The following MROH9 variants were observed in gnomAD, a reference collection of about 807,000 sequenced individuals.
The protein encoded by MROH9 is maestro heat-like repeat-containing protein family member 9.
A neutral mutation model predicts 98.2 loss-of-function variants in MROH9; 92 were observed. The observed-to-expected ratio is 0.94, with a 90% CI of 0.79 to 1.11. The LOEUF is 1.11. MROH9 is among the 50% of genes most tolerant of loss of function. MROH9 has a pLI of 0.00. For missense variants in MROH9, 1,057 were observed against 1,014.8 expected, an observed-to-expected ratio of 1.04 and a Z score of -0.57; for synonymous variants, 397 against 368.9, an observed-to-expected ratio of 1.08 and a Z score of -0.87.
At position 170,996,596 on chromosome 1, in the gene MROH9, A is replaced by C; in HGVS notation, c.1427A>C (p.Gln476Pro). Reference sequence around the variant, plus strand: ...CTAATGAAGGAGAATTTCTGGGACCAGTTATCTGAAGATCTGTGTTACTAT... The same window carrying C: ...CTAATGAAGGAGAATTTCTGGGACCCGTTATCTGAAGATCTGTGTTACTAT... ...ITLMKENFWD[Q>P]LSEDLCYYHG... The change falls in exon 14 of 22, where the codon CAG (glutamine) becomes CCG (proline). Residue 476 changes from glutamine to proline, a missense_variant. Transcript: ENST00000367759. 6.2e-7 allele frequency: 1 copy of C among 1,613,652 alleles called. No individual in the cohort carries two copies. Among genetic ancestry groups the C allele is most frequent in the South Asian group, 1.1e-5 (1 of 91,068 alleles).
chr1:171,057,115 G>A (rs1314808038), intron 20 of MROH9, among the ~76,000 whole-genome samples: 1 of 152,198 alleles, frequency 6.6e-6, no homozygotes, highest in Admixed American at 6.5e-5. Flanking sequence ...CGGAGGATGA[G>A]ATGGATGAAT....
At chr1:171,040,664 T>G (rs1653267020) in intron 20 of MROH9, among the ~76,000 whole-genome samples, 1 of 152,128 alleles carries the variant, frequency 6.6e-6, no homozygotes, top group South Asian at 2.1e-4. Context: ...TCTATGAACT[T>G]TAGTGTTACT....
At chr1:171,032,566 G>T (rs28872911) in intron 20 of MROH9, among the ~76,000 whole-genome samples, 36,298 of 151,846 alleles carry the variant, frequency 0.24, 7,239 homozygotes, top group African/African-American at 0.55. Flanking sequence ...GGGGTTCACT[G>T]CAGGCCCTAC....
chr1:171,054,431 G>GA (rs952962431), intron 20 of MROH9, among the ~76,000 whole-genome samples: 3 of 152,098 alleles, frequency 2.0e-5, no homozygotes, highest in East Asian at 3.8e-4. Context: ...AAAAATTCCA[G>GA]AAAAATAGCA....
At chr1:170,971,516 G>T (rs773612763) in intron 7 of MROH9, among the ~76,000 whole-genome samples, 1 of 152,110 alleles carries the variant, frequency 6.6e-6, no homozygotes, top group Non-Finnish European at 1.5e-5. Context: ...CTTGTCATCA[G>T]TGTTACCCCT....
Position 170,971,802 on chromosome 1 carries a change from T to C in MROH9, c.535T>C (p.Cys179Arg). The C allele has an allele frequency of 6.2e-7, 1 of 1,614,098 alleles. No individual in the cohort carries two copies. The highest frequency in any genetic ancestry group is 1.7e-5 in the Admixed American group (1 of 60,006). ...CCTGGCAGCAGAGCTGTCTCTTTTGTGTTCCCATGAAGATCCCTCGATTGT... is the reference window on the plus strand; with the variant it reads ...CCTGGCAGCAGAGCTGTCTCTTTTGCGTTCCCATGAAGATCCCTCGATTGT... ...GLLAAELSLL[C>R]SHEDPSIVKQ... Residue 179 changes from cysteine to arginine, a missense_variant, in exon 8 of 22, where the codon TGT becomes CGT. Physicochemically the swap from Cys to Arg is radical, Grantham distance 180. Transcript: ENST00000367759.
chr1:171,037,557 A>G (rs929046391), intron 20 of MROH9, among the ~76,000 whole-genome samples: 7 of 152,052 alleles, frequency 4.6e-5, no homozygotes, highest in Admixed American at 3.9e-4. Context: ...TATGCATGGA[A>G]TGAAATGCCA....
intron 1 of MROH9, among the ~76,000 whole-genome samples, chr1:170,937,729 T>C (rs1256734471): frequency 6.6e-6 from 1 of 151,934 alleles, no homozygotes; most frequent in Non-Finnish European, 1.5e-5. Flanking sequence ...TTCACCGTTT[T>C]AGCCGGGATG....
At chr1:170,965,981 A>G (rs1376862311) in intron 7 of MROH9, among the ~76,000 whole-genome samples, 1 of 152,072 alleles carries the variant, frequency 6.6e-6, no homozygotes, top group Non-Finnish European at 1.5e-5. Flanking sequence ...TGATCCATTT[A>G]GCTATTTTTC....
intron 7 of MROH9, among the ~76,000 whole-genome samples, chr1:170,970,731 T>TGTGTGTGAGAGAGA (rs1491154307): frequency 6.7e-4 from 61 of 90,868 alleles, no homozygotes; most frequent in Admixed American, 5.3e-3. Context: ...TGTGTGTGTG[T>TGTGTGTGAGAGAGA]GAGAGAGAGA....
intron 17 of MROH9, among the ~76,000 whole-genome samples, chr1:171,018,255 G>A (rs1023460404): frequency 1.3e-5 from 2 of 151,902 alleles, no homozygotes; most frequent in African/African-American, 4.8e-5. Flanking sequence ...CAAATCAGAT[G>A]AATAGGGCCT....
At chr1:170,971,307 C>T (rs973248465) in intron 7 of MROH9, among the ~76,000 whole-genome samples, 1 of 152,152 alleles carries the variant, frequency 6.6e-6, no homozygotes, top group Non-Finnish European at 1.5e-5. Flanking sequence ...AGTGGCATGC[C>T]TCCTCAGTGA....
At chr1:171,036,416 A>AT (rs1198578573) in intron 20 of MROH9, among the ~76,000 whole-genome samples, 1 of 152,110 alleles carries the variant, frequency 6.6e-6, no homozygotes, top group Non-Finnish European at 1.5e-5. Flanking sequence ...AGTGTGTGAA[A>AT]TAATGGGAAT....
chr1:171,044,092 C>T (rs577209247), intron 20 of MROH9, among the ~76,000 whole-genome samples: 14 of 152,166 alleles, frequency 9.2e-5, no homozygotes, highest in Middle Eastern at 3.4e-3. Flanking sequence ...CAGTATGATA[C>T]GAACTGTGGG....
intron 14 of MROH9, among the ~76,000 whole-genome samples, chr1:170,997,672 C>A (rs9427214): frequency 0.14 from 21,184 of 152,148 alleles, 1,645 homozygotes; most frequent in African/African-American, 0.21. Flanking sequence ...CTGTCCACCA[C>A]CCAAGTGTGT....
At chr1:171,057,593 T>G (rs1653884394) in intron 20 of MROH9, among the ~76,000 whole-genome samples, 1 of 151,942 alleles carries the variant, frequency 6.6e-6, no homozygotes, top group Admixed American at 6.6e-5. Flanking sequence ...CAGGCCAACA[T>G]GCAAATCCAG....
chr1:170,980,208 G>A (rs574411407), intron 8 of MROH9, among the ~76,000 whole-genome samples: 3 of 152,124 alleles, frequency 2.0e-5, no homozygotes, highest in Admixed American at 2.0e-4. Context: ...AACTACCATT[G>A]ACATTCTTCA....
At chr1:171,036,407 G>C (rs1653100335) in intron 20 of MROH9, among the ~76,000 whole-genome samples, 1 of 152,068 alleles carries the variant, frequency 6.6e-6, no homozygotes, top group Non-Finnish European at 1.5e-5. Flanking sequence ...GAGTTGAAAA[G>C]TGTGTGAAAT....
chr1:170,970,733 A>T (rs28422780), intron 7 of MROH9, among the ~76,000 whole-genome samples: 28,433 of 93,948 alleles, frequency 0.3, 2,971 homozygotes, highest in African/African-American at 0.36. Context: ...TGTGTGTGTG[A>T]GAGAGAGAGA....
Sources: gnomAD v4.1 joint callset for allele counts (sites outside exome capture counted in the v4.1 genomes callset) on GRCh38, gnomAD v4.1.1 for gene constraint, MANE v1.5 for transcripts, NCBI Gene and HGNC (gene_info 2026-07-23, HGNC 2026-07-21) for gene names.